RALYL: variants seen among roughly 807,000 people sequenced by gnomAD.
RALYL encodes the protein RALY RNA binding protein like.
Under a neutral mutation model 35.1 loss-of-function variants are expected in RALYL, and 29 were observed. The observed-to-expected ratio is 0.83, with a 90% CI of 0.61 to 1.13. The LOEUF (loss-of-function observed/expected upper bound fraction) is 1.13. Among genes scored for constraint, RALYL ranks in the 50% most tolerant of loss-of-function variants. The pLI, the probability that RALYL is intolerant of heterozygous loss-of-function variation, is 0.00. For synonymous variants in RALYL, 120 were observed against 127.6 expected (o/e 0.94, Z 0.40); for missense variants, 359 against 360.4 (o/e 1.00, Z 0.03).
chr8:84,246,704 TGAG>T (rs1320202654), intron 1 of RALYL, among the ~76,000 whole-genome samples: 2 of 152,100 alleles, frequency 1.3e-5, no homozygotes, highest in African/African-American at 4.8e-5. Flanking sequence ...TGATTGGTGA[TGAG>T]GAGGTGTATA....
chr8:84,497,635 TG>T, intron 1 of RALYL, among the ~76,000 whole-genome samples: 3 of 135,148 alleles, frequency 2.2e-5, no homozygotes, highest in Admixed American at 7.5e-5. Flanking sequence ...TTGTTGTTTT[TG>T]TTTTTGTTTT....
chr8:84,433,428 A>G (rs890531133), intron 1 of RALYL, among the ~76,000 whole-genome samples: 2 of 152,100 alleles, frequency 1.3e-5, no homozygotes, highest in Non-Finnish European at 2.9e-5. Flanking sequence ...TAGCACCTAA[A>G]ACAGGACGAT....
intron 1 of RALYL, among the ~76,000 whole-genome samples, chr8:84,394,155 G>A (rs755179960): frequency 3.3e-5 from 5 of 151,916 alleles, no homozygotes; most frequent in South Asian, 2.1e-4. Context: ...TTCAAGTGTC[G>A]TTCACTTCCT....
At chr8:84,261,375 C>T (rs1314093672) in intron 1 of RALYL, among the ~76,000 whole-genome samples, 1 of 152,136 alleles carries the variant, frequency 6.6e-6, no homozygotes. Context: ...GGCGGTTTCT[C>T]CCATCCTTTC....
intron 4 of RALYL, among the ~76,000 whole-genome samples, chr8:84,814,141 T>C (rs2134138716): frequency 6.6e-6 from 1 of 152,310 alleles, no homozygotes; most frequent in African/African-American, 2.4e-5. Flanking sequence ...TATCAAACAT[T>C]TAGCACACTT....
chr8:84,335,860 G>A (rs746605047), intron 1 of RALYL, among the ~76,000 whole-genome samples: 1 of 151,854 alleles, frequency 6.6e-6, no homozygotes, highest in Non-Finnish European at 1.5e-5. Context: ...CTGAGACAGA[G>A]GCCCTTGAAA....
At chr8:84,808,950 A>T (rs1449170481) in intron 4 of RALYL, among the ~76,000 whole-genome samples, 1 of 152,142 alleles carries the variant, frequency 6.6e-6, no homozygotes, top group Non-Finnish European at 1.5e-5. Flanking sequence ...ATTGTTAGTA[A>T]ACAGTGACAG....
chr8:84,623,421 T>C (rs1822009883), intron 2 of RALYL, among the ~76,000 whole-genome samples: 10 of 152,182 alleles, frequency 6.6e-5, no homozygotes, highest in Admixed American at 6.5e-4. Context: ...GTTTATGAAA[T>C]TAATAAATCT....
intron 1 of RALYL, among the ~76,000 whole-genome samples, chr8:84,381,411 C>T (rs1191467889): frequency 2.6e-5 from 4 of 151,888 alleles, no homozygotes; most frequent in Non-Finnish European, 5.9e-5. Flanking sequence ...TCCTTCTTAA[C>T]ACTAACTCTT....
At chr8:84,220,053 G>A (rs1179310380) in intron 1 of RALYL, among the ~76,000 whole-genome samples, 1 of 151,906 alleles carries the variant, frequency 6.6e-6, no homozygotes, top group African/African-American at 2.4e-5. Flanking sequence ...TTCTACTAGG[G>A]TACTCAGCAA....
At chr8:84,632,063 TTA>T (rs1824031086) in intron 2 of RALYL, among the ~76,000 whole-genome samples, 1 of 151,760 alleles carries the variant, frequency 6.6e-6, no homozygotes. Context: ...AGTGATTAGG[TTA>T]TGAGGCTGGA....
intron 2 of RALYL, among the ~76,000 whole-genome samples, chr8:84,636,327 A>G (rs1044774561): frequency 1.3e-5 from 2 of 151,850 alleles, no homozygotes; most frequent in African/African-American, 4.8e-5. Context: ...TCAGAAAAGA[A>G]ACATACTTTT....
chr8:84,655,581 G>A (rs920499689), intron 2 of RALYL, among the ~76,000 whole-genome samples: 2 of 152,054 alleles, frequency 1.3e-5, no homozygotes, highest in Non-Finnish European at 2.9e-5. Context: ...CACCAGCCTT[G>A]GCCTCCCAAT....
At chr8:84,569,937 T>C (rs754590490) in intron 2 of RALYL, among the ~76,000 whole-genome samples, 17 of 152,044 alleles carry the variant, frequency 1.1e-4, no homozygotes, top group Admixed American at 2.0e-4. Context: ...TCCTTTTCCA[T>C]TGATCTACAT....
chr8:84,519,562 ATGAG>A (rs934264125), intron 1 of RALYL, among the ~76,000 whole-genome samples: 56 of 152,346 alleles, frequency 3.7e-4, no homozygotes, highest in African/African-American at 9.6e-4. Context: ...CTGTAAGTGA[ATGAG>A]TATTTCATAA....
intron 2 of RALYL, among the ~76,000 whole-genome samples, chr8:84,749,568 T>C (rs1458489614): frequency 1.3e-5 from 2 of 152,118 alleles, no homozygotes; most frequent in Non-Finnish European, 2.9e-5. Context: ...CAGGAACAAG[T>C]GTCCCCTAGA....
intron 1 of RALYL, among the ~76,000 whole-genome samples, chr8:84,207,583 G>T (rs1402427866): frequency 6.6e-6 from 1 of 152,020 alleles, no homozygotes; most frequent in Non-Finnish European, 1.5e-5. Context: ...ATGGGGAGAT[G>T]TTGGTCAAAG....
At position 84,862,395 on chromosome 8, in the gene RALYL, A is replaced by G; in HGVS notation, c.513A>G (p.Gly171=). ...TCACAACGACTCGCAGGGGGAAAGGAGTCTTTTCCATGAAAGGTGGATCGA... is the reference window on the plus strand; with the variant it reads ...TCACAACGACTCGCAGGGGGAAAGGGGTCTTTTCCATGAAAGGTGGATCGA... The part of the protein sequence containing the change: ...VAVTTTRRGK[G]VFSMKGGSRS... The change falls in exon 6 of 9, where the codon GGA becomes GGG. Residue 171 remains glycine, a synonymous_variant. Transcript: ENST00000521268. 9 of 1,607,272 alleles carry G rather than the reference A, an allele frequency of 5.6e-6. No individual in the cohort carries two copies. The highest frequency in any genetic ancestry group is 7.6e-6 in the Non-Finnish European group (9 of 1,177,146).
rs1563800181 is a variant in RALYL, at chr8:84,367,335, T to A, written c.-23-161964T>A. On this transcript the variant is annotated intron_variant, in intron 1 of 8. Transcript: ENST00000521268. The stretch of plus-strand genomic sequence containing the variant: ...ATTTTTGTATTTTTTTTTTTTTTTT[T>A]TTTTTTTTTTTTTTTTTTTTTTTTT... Among the ~76,000 whole-genome samples the A allele has an allele frequency of 9.8e-4, 57 of 58,298 alleles. 4 individuals are homozygous for A. The highest frequency in any genetic ancestry group is 1.8e-3 in the South Asian group (3 of 1,656). 38.2% of individuals were successfully genotyped at this position (58,298 alleles called of 152,430 possible).
Sources: gnomAD v4.1 joint callset for allele counts (sites outside exome capture counted in the v4.1 genomes callset) on GRCh38, gnomAD v4.1.1 for gene constraint, MANE v1.5 for transcripts, NCBI Gene and HGNC (gene_info 2026-07-23, HGNC 2026-07-21) for gene names.